The following IRAG1 variants were observed in gnomAD, a reference collection of about 807,000 sequenced individuals.
IRAG1 encodes IP3R-associated cGMP kinase substrate.
Under a neutral mutation model 106.2 loss-of-function variants are expected in IRAG1, and 62 were observed. That is an observed-to-expected ratio of 0.58 (90% CI 0.48 to 0.72). The LOEUF (loss-of-function observed/expected upper bound fraction) is 0.72. Ranked by LOEUF, IRAG1 falls within the 30% of genes least tolerant of loss-of-function variation. The pLI, the probability that IRAG1 is intolerant of heterozygous loss-of-function variation, is 0.00. For missense variants in IRAG1, 1,064 were observed against 1,140.7 expected (o/e 0.93, Z 0.97); for synonymous variants, 462 against 443.9 (o/e 1.04, Z -0.51).
In IRAG1 at chr11:10,656,384, C is replaced by T. The variant is rs577611003; in HGVS notation, c.68-4202G>A. Among the ~76,000 whole-genome samples, 157 of 152,274 alleles carry T rather than the reference C, an allele frequency of 1.0e-3. 1 individual carries two copies. The highest frequency in any genetic ancestry group is 3.7e-3 in the African/African-American group (154 of 41,556). ...TTTTACAGGCCGGGAAACTGAGGTG[C>T]AGAAACGGAAACAACTTGACTGGTT... is the stretch of plus-strand genomic sequence containing the variant. On this transcript the variant is annotated intron_variant, in intron 1 of 20. Transcript: ENST00000423302.
chr11:10,591,725 C>T (rs916176359), intron 17 of IRAG1, 113 bp from the exon 18 acceptor site: 3 of 933,848 alleles, frequency 3.2e-6, no homozygotes, highest in Non-Finnish European at 5.1e-6. Flanking sequence ...CCTCTTTCCT[C>T]CATGCCCCCA....
intron 11 of IRAG1, 74 bp from the exon 12 acceptor site, chr11:10,606,846 A>G: frequency 7.1e-7 from 1 of 1,406,272 alleles, no homozygotes; most frequent in Non-Finnish European, 9.6e-7. Context: ...CTGAATGACC[A>G]GCAGACCATG....
At position 10,574,950 on chromosome 11, in the gene IRAG1, T is replaced by G. The variant is rs1850743909; in HGVS notation, c.*1382A>C. 6.6e-6 allele frequency: 1 copy of G among 152,228 alleles called. No homozygotes were observed. Among genetic ancestry groups the G allele is most frequent in the Admixed American group, 6.5e-5 (1 of 15,288 alleles). The allele number at this position is 152,228 out of a possible 1,614,324, so 9.4% of individuals were successfully genotyped here. Reference sequence around the variant, plus strand: ...AAGGGTAATATCCACTTCGTATTTTTTTTTCTTTTTCTTCAGGACTTAAAT... The same window carrying G: ...AAGGGTAATATCCACTTCGTATTTTGTTTTCTTTTTCTTCAGGACTTAAAT... On this transcript the variant is annotated 3_prime_UTR_variant, in exon 21 of 21. Coordinates refer to ENST00000423302, the MANE Select transcript of IRAG1 (RefSeq NM_130385.4).
chr11:10,641,288 G>A (rs1857488847), intron 2 of IRAG1, among the ~76,000 whole-genome samples: 1 of 152,220 alleles, frequency 6.6e-6, no homozygotes. Context: ...TTCCCTTCGG[G>A]ATTGAATTAA....
chr11:10,597,227 T>C (rs1853422372), intron 15 of IRAG1, among the ~76,000 whole-genome samples: 1 of 152,240 alleles, frequency 6.6e-6, no homozygotes, highest in Non-Finnish European at 1.5e-5. Context: ...GAGTTTTTGA[T>C]TTCTGTGACT....
intron 1 of IRAG1, among the ~76,000 whole-genome samples, chr11:10,685,388 C>T (rs959962263): frequency 8.3e-5 from 12 of 144,934 alleles, no homozygotes; most frequent in African/African-American, 2.1e-4. Context: ...TGTACTTCAG[C>T]GTGGGTGATG....
intron 11 of IRAG1, among the ~76,000 whole-genome samples, chr11:10,608,131 T>A (rs552383983): frequency 4.6e-5 from 7 of 152,156 alleles, no homozygotes; most frequent in African/African-American, 1.7e-4. Context: ...TTATTTATTT[T>A]TGGGGACAGG....
chr11:10,671,730 CACAACAACA>C (rs72444319), intron 1 of IRAG1, among the ~76,000 whole-genome samples: 3 of 151,008 alleles, frequency 2.0e-5, no homozygotes, highest in Non-Finnish European at 3.0e-5. Context: ...CAACAACAAA[CACAACAACA>C]ACAACAACAA....
chr11:10,690,519 T>C (rs1861978128), intron 1 of IRAG1: 1 of 1,172,392 alleles, frequency 8.5e-7, no homozygotes, highest in African/African-American at 1.6e-5. Context: ...GGCCCATTTG[T>C]GAGGCTGCCC....
At chr11:10,650,713 AGAATGGGG>A (rs1261810083) in intron 2 of IRAG1, among the ~76,000 whole-genome samples, 5 of 152,206 alleles carry the variant, frequency 3.3e-5, no homozygotes, top group African/African-American at 1.2e-4. Context: ...ACTATTTCCC[AGAATGGGG>A]GCCTGGACTT....
At chr11:10,652,701 T>G (rs1858619972) in intron 1 of IRAG1, among the ~76,000 whole-genome samples, 1 of 152,152 alleles carries the variant, frequency 6.6e-6, no homozygotes. Flanking sequence ...ACCCAGATCT[T>G]CCTGATTTTG....
intron 9 of IRAG1, among the ~76,000 whole-genome samples, chr11:10,624,264 G>A (rs886817122): frequency 2.6e-5 from 4 of 151,816 alleles, no homozygotes; most frequent in African/African-American, 7.3e-5. Flanking sequence ...CAGCTTTGGC[G>A]ATCTCATGGC....
chr11:10,580,334 C>A, intron 20 of IRAG1, 121 bp downstream of exon 20: 4 of 1,494,402 alleles, frequency 2.7e-6, no homozygotes, highest in Non-Finnish European at 3.6e-6. Flanking sequence ...GGGCTACTCA[C>A]TGGGGCCCCA....
At position 10,628,640 on chromosome 11, in the gene IRAG1, G is replaced by A. The variant is rs1237727757; in HGVS notation, c.652+111C>T. 2.2e-6 allele frequency: 2 copies of A among 917,150 alleles called. No individual in the cohort carries two copies. Among genetic ancestry groups the A allele is most frequent in the Non-Finnish European group, 3.2e-6 (2 of 632,298 alleles). The allele number at this position is 917,150 out of a possible 1,614,324, so 56.8% of individuals were successfully genotyped here. ...TGCTCTGGGTGTGAAGGGGCCATCA[G>A]AGTTCTTGAAGGGGAAGCCTGCAGG... On this transcript the variant is annotated intron_variant, in intron 6 of 20. Coordinates refer to ENST00000423302, the MANE Select transcript of IRAG1 (RefSeq NM_130385.4). The surrounding 1 kb of genome is among the most constrained non-coding windows in gnomAD (Gnocchi z 4.1).
intron 1 of IRAG1, among the ~76,000 whole-genome samples, chr11:10,658,823 G>C (rs573759266): frequency 7.8e-4 from 108 of 139,224 alleles, no homozygotes; most frequent in African/African-American, 2.8e-3. Flanking sequence ...CTGTGCTGTG[G>C]TTACCCCATG....
At chr11:10,612,197 G>A (rs759912530) in intron 10 of IRAG1, among the ~76,000 whole-genome samples, 45 of 152,232 alleles carry the variant, frequency 3.0e-4, no homozygotes, top group African/African-American at 8.7e-4. Flanking sequence ...AGGAGTAGCC[G>A]TTGGGAAGCA....
At chr11:10,622,904 C>G (rs924239886) in intron 10 of IRAG1, among the ~76,000 whole-genome samples, 1 of 151,952 alleles carries the variant, frequency 6.6e-6, no homozygotes, top group Non-Finnish European at 1.5e-5. Context: ...CACACACACT[C>G]CTGCCCTTGG....
intron 1 of IRAG1, among the ~76,000 whole-genome samples, chr11:10,684,610 T>C (rs781334087): frequency 0.12 from 16,369 of 133,238 alleles, 1,104 homozygotes; most frequent in Admixed American, 0.2. Context: ...AGTATAATAA[T>C]AATAATAATA....
chr11:10,646,403 C>A (rs1857947091), intron 2 of IRAG1, among the ~76,000 whole-genome samples: 1 of 152,140 alleles, frequency 6.6e-6, no homozygotes, highest in Admixed American at 6.6e-5. Context: ...TTTCTTCTGC[C>A]CTTTAGTGCA....
Sources: gnomAD v4.1 joint callset for allele counts (sites outside exome capture counted in the v4.1 genomes callset) on GRCh38, gnomAD v4.1.1 for gene constraint, Gnocchi (gnomAD v3.1) non-coding constraint, MANE v1.5 for transcripts, NCBI Gene and HGNC (gene_info 2026-07-23, HGNC 2026-07-21) for gene names.